Variants in DENND4C observed in about 807,000 individuals in gnomAD.
The protein encoded by DENND4C is DENN domain-containing protein 4C.
DENND4C carries 108 observed loss-of-function variants against 203.0 expected under a neutral mutation model. The observed-to-expected ratio is 0.53, with a 90% CI of 0.46 to 0.62. The LOEUF (loss-of-function observed/expected upper bound fraction) is 0.62. DENND4C is among the 20% of genes least tolerant of loss of function. DENND4C has a pLI of 0.00. For synonymous variants in DENND4C, 871 were observed against 792.4 expected, an observed-to-expected ratio of 1.10 and a Z score of -1.67; for missense variants, 2,481 against 2,301.2, an observed-to-expected ratio of 1.08 and a Z score of -1.60.
rs1006538986 is a variant in DENND4C, at chr9:19,326,132, T to A, written c.2058T>A (p.Thr686=). 1 of 1,613,582 alleles carries A rather than the reference T, an allele frequency of 6.2e-7. No homozygotes were observed. Among genetic ancestry groups the A allele is most frequent in the Non-Finnish European group, 8.5e-7 (1 of 1,179,722 alleles). The change falls in exon 15 of 33, where the codon ACT becomes ACA. Residue 686 remains threonine, a synonymous_variant. Coordinates refer to ENST00000434457, the MANE Select transcript of DENND4C (RefSeq NM_001330640.2). ...ELDDSQKSEH[T]VFIMPPEPPP... ...ATGATTCACAGAAAAGTGAGCATACTGTATTTATAATGCCGCCAGAGCCAC... is the reference window on the plus strand; with the variant it reads ...ATGATTCACAGAAAAGTGAGCATACAGTATTTATAATGCCGCCAGAGCCAC...
Position 19,372,264 on chromosome 9 carries a change from T to C in DENND4C, c.*91T>C. ...GTTTTTTTTTCCAAATCGTAAGAAC[T>C]GGTGAATACGGAATTGAAGTAACTC... is the stretch of plus-strand genomic sequence containing the variant. On this transcript the variant is annotated 3_prime_UTR_variant, in exon 33 of 33. Coordinates refer to ENST00000434457, the MANE Select transcript of DENND4C (RefSeq NM_001330640.2). 1 of 1,464,510 alleles carries C rather than the reference T, an allele frequency of 6.8e-7. No individual in the cohort carries two copies. The highest frequency in any genetic ancestry group is 2.3e-5 in the East Asian group (1 of 43,728). 90.7% of individuals were successfully genotyped at this position (1,464,510 alleles called of 1,614,324 possible). A position where few individuals can be genotyped will look rare whatever the true frequency, so the allele number is the denominator to read the frequency against.
intron 16 of DENND4C, among the ~76,000 whole-genome samples, chr9:19,328,657 G>GTCTGTCTGTCTATCTATCTATCTA (rs1456677474): frequency 1.7e-5 from 2 of 119,306 alleles, no homozygotes; most frequent in African/African-American, 7.3e-5. Flanking sequence ...CTGTCTGTCT[G>GTCTGTCTGTCTATCTATCTATCTA]TCTATCTATC....
rs576234814 is a variant in DENND4C, at chr9:19,325,924, T to C, written c.1954-15T>C. ...GTGGACATTTTCATTAAGAATCTGT[T>C]TTCTTTTTTTCTAGTTGTTTCCTGA... On this transcript the variant is annotated splice_polypyrimidine_tract_variant and intron_variant, in intron 13 of 32. Coordinates refer to ENST00000434457, the MANE Select transcript of DENND4C (RefSeq NM_001330640.2). The C allele has an allele frequency of 6.5e-4, 1,036 of 1,596,656 alleles. 11 individuals are homozygous for C. In the South Asian group the frequency reaches 0.011, roughly 17 times the overall value.
At chr9:19,285,476 C>T (rs1835006032) in intron 2 of DENND4C, among the ~76,000 whole-genome samples, 1 of 152,072 alleles carries the variant, frequency 6.6e-6, no homozygotes, top group South Asian at 2.1e-4. Context: ...TCTTTCCCAC[C>T]TTCTACCCCT....
intron 1 of DENND4C, among the ~76,000 whole-genome samples, chr9:19,241,667 G>A (rs1280941851): frequency 3.9e-5 from 6 of 151,966 alleles, no homozygotes; most frequent in African/African-American, 9.7e-5. Context: ...CAATACTCAC[G>A]TGGATCTGTC....
intron 1 of DENND4C, among the ~76,000 whole-genome samples, chr9:19,260,644 G>T (rs529655568): frequency 6.6e-6 from 1 of 152,012 alleles, no homozygotes; most frequent in Non-Finnish European, 1.5e-5. Context: ...TGATCCACCC[G>T]CCTTGGTCTC....
chr9:19,234,779 C>T (rs998650763), intron 1 of DENND4C, among the ~76,000 whole-genome samples: 3 of 151,384 alleles, frequency 2.0e-5, no homozygotes, highest in African/African-American at 4.8e-5. Context: ...TAAGTTCAAG[C>T]GATCCACCCA....
At chr9:19,325,594 A>G (rs1263340655) in intron 13 of DENND4C, among the ~76,000 whole-genome samples, 1 of 152,186 alleles carries the variant, frequency 6.6e-6, no homozygotes, top group Non-Finnish European at 1.5e-5. Context: ...TTGATATTCC[A>G]GTATCTTCCA....
chr9:19,362,039 C>G (rs1411609220), intron 30 of DENND4C, 76 bp downstream of exon 30: 1 of 870,514 alleles, frequency 1.1e-6, no homozygotes, highest in Admixed American at 2.2e-5. Flanking sequence ...TTTGGGAGGC[C>G]TAGGCTGGCG....
chr9:19,303,683 TAA>T (rs1839056562), intron 9 of DENND4C, among the ~76,000 whole-genome samples: 1 of 152,188 alleles, frequency 6.6e-6, no homozygotes, highest in Non-Finnish European at 1.5e-5. Flanking sequence ...CAATCCTGAA[TAA>T]CCCTCTGTAA....
chr9:19,358,172 CA>C lies in DENND4C; in HGVS notation c.5160+14del, dbSNP rs763355173. On this transcript the variant is annotated intron_variant, in intron 28 of 32. Transcript: ENST00000434457. This position sits in a 1 kb window ranked among gnomAD's most constrained non-coding sequence, Gnocchi z 4.8. The stretch of plus-strand genomic sequence containing the variant: ...TGCAGGAAGTTGTGGTATGTAACAA[CA>C]ACAACATTGTAATTATACTGCATAC... 4.4e-6 allele frequency: 7 copies of C among 1,606,784 alleles called. No individual in the cohort carries two copies. Among genetic ancestry groups the C allele is most frequent in the Non-Finnish European group, 6.0e-6 (7 of 1,174,604 alleles).
At position 19,346,348 on chromosome 9, in the gene DENND4C, T is replaced by C. The variant is rs1419092713; in HGVS notation, c.3579T>C (p.Asp1193=). The C allele has an allele frequency of 1.2e-6, 2 of 1,614,188 alleles. No individual in the cohort carries two copies. The highest frequency in any genetic ancestry group is 4.5e-5 in the East Asian group (2 of 44,884). ...AAGAACTCCTTGAGCCTGTGGTTGATGACGTACCTAAAACTACTGCAACAG... is the reference window on the plus strand; with the variant it reads ...AAGAACTCCTTGAGCCTGTGGTTGACGACGTACCTAAAACTACTGCAACAG... The part of the protein sequence containing the change: ...ESQELLEPVV[D]DVPKTTATVD... The change falls in exon 23 of 33, where the codon GAT becomes GAC. Residue 1193 remains aspartate (D), a synonymous_variant. Transcript: ENST00000434457.
chr9:19,352,996 C>T (rs1037428088), intron 26 of DENND4C, among the ~76,000 whole-genome samples: 7 of 151,676 alleles, frequency 4.6e-5, no homozygotes, highest in African/African-American at 1.7e-4. Flanking sequence ...ATTAGCTGGG[C>T]ATGGTAGTGT....
chr9:19,315,611 A>G (rs1249168471), intron 10 of DENND4C, among the ~76,000 whole-genome samples: 1 of 150,252 alleles, frequency 6.7e-6, no homozygotes, highest in Non-Finnish European at 1.5e-5. Context: ...ATATATATAC[A>G]CACACACATA....
intron 17 of DENND4C, among the ~76,000 whole-genome samples, chr9:19,334,199 C>T (rs1459243213): frequency 2.0e-5 from 3 of 152,186 alleles, no homozygotes; most frequent in African/African-American, 7.2e-5. Flanking sequence ...GTGCGTGCCA[C>T]CACGCCTGGC....
chr9:19,249,437 G>A (rs1826030584), intron 1 of DENND4C, among the ~76,000 whole-genome samples: 1 of 151,746 alleles, frequency 6.6e-6, no homozygotes, highest in Non-Finnish European at 1.5e-5. Flanking sequence ...TGTATTTTTA[G>A]TAGAGACAGG....
intron 2 of DENND4C, among the ~76,000 whole-genome samples, chr9:19,279,643 C>T (rs1248177460): frequency 6.6e-6 from 1 of 151,126 alleles, no homozygotes. Context: ...TGCCACTGGG[C>T]TCCAGTCTGG....
intron 20 of DENND4C, 128 bp from the exon 21 acceptor site, chr9:19,340,864 G>C (rs1048832754): frequency 4.1e-6 from 3 of 733,046 alleles, no homozygotes; most frequent in Non-Finnish European, 6.0e-6. Flanking sequence ...TGTGTTCCTT[G>C]TGTGCTTTCT....
chr9:19,310,343 G>A (rs969237220), intron 10 of DENND4C, among the ~76,000 whole-genome samples: 1 of 152,206 alleles, frequency 6.6e-6, no homozygotes, highest in Non-Finnish European at 1.5e-5. Context: ...ACTTTGAGCA[G>A]TTTGTCATAA....
Sources: gnomAD v4.1 joint callset for allele counts (sites outside exome capture counted in the v4.1 genomes callset) on GRCh38, gnomAD v4.1.1 for gene constraint, Gnocchi (gnomAD v3.1) non-coding constraint, MANE v1.5 for transcripts, NCBI Gene and HGNC (gene_info 2026-07-23, HGNC 2026-07-21) for gene names.